Variants in NFIL3 observed in about 807,000 individuals in gnomAD.
NFIL3 encodes the protein nuclear factor interleukin-3-regulated protein.
A neutral mutation model predicts 10.0 loss-of-function variants in NFIL3; 5 were observed. The ratio of observed to expected loss-of-function variants is 0.50; its 90% CI spans 0.26 to 1.06. The LOEUF is 1.06. NFIL3 is among the 50% of genes least tolerant of loss of function. The pLI, the probability that NFIL3 is intolerant of heterozygous loss-of-function variation, is 0.13. For missense variants in NFIL3, 436 were observed against 547.6 expected (o/e 0.80, Z 2.03); for synonymous variants, 202 against 206.5 (o/e 0.98, Z 0.19).
the NFIL3 span, among the ~76,000 whole-genome samples, chr9:91,436,765 C>T: frequency 6.6e-6 from 1 of 152,120 alleles, no homozygotes; most frequent in Admixed American, 6.5e-5. Context: ...GGCTCTATAA[C>T]CCAAAATAGG....
chr9:91,410,256 C>T lies in NFIL3; in HGVS notation c.479G>A (p.Ser160Asn), dbSNP rs923229927. 1 of 1,614,064 alleles carries T rather than the reference C, an allele frequency of 6.2e-7. No homozygotes were observed. The change falls in exon 2 of 2, where the codon AGT (serine) becomes AAT (asparagine). Residue 160 changes from serine to asparagine, a missense_variant. Ser to Asn is a conservative substitution (Grantham distance 46). Coordinates refer to ENST00000297689, the MANE Select transcript of NFIL3 (RefSeq NM_005384.3). The surrounding 1 kb of genome is among the most constrained non-coding windows in gnomAD (Gnocchi z 5.7). ...QDYQTSKSNV[S>N]SFVDEHEPSM... ...GGGTTCGTGCTCGTCCACAAATGAA[C>T]TCACATTGGATTTGGAAGTCTGGTA...
At chr9:91,479,884 C>T in the NFIL3 span, among the ~76,000 whole-genome samples, 4 of 152,146 alleles carry the variant, frequency 2.6e-5, no homozygotes, top group African/African-American at 2.4e-5. Context: ...CAGTCCCTCA[C>T]GGCTTCCCTT....
the NFIL3 span, among the ~76,000 whole-genome samples, chr9:91,436,424 A>G: frequency 6.0e-5 from 9 of 150,748 alleles, no homozygotes; most frequent in African/African-American, 2.0e-4. Flanking sequence ...TAAAAATACA[A>G]AAAATTAGCC....
chr9:91,458,606 T>G, the NFIL3 span, among the ~76,000 whole-genome samples: 1 of 152,146 alleles, frequency 6.6e-6, no homozygotes, highest in African/African-American at 2.4e-5. Flanking sequence ...TTTTATTGAT[T>G]CTATTTTTTC....
At chr9:91,455,873 A>C in the NFIL3 span, among the ~76,000 whole-genome samples, 3 of 152,174 alleles carry the variant, frequency 2.0e-5, no homozygotes, top group Non-Finnish European at 4.4e-5. Context: ...TAAAAATTGC[A>C]ACCTCCAGCA....
Position 91,409,438 on chromosome 9 carries a change from A to G in NFIL3, c.1297T>C (p.Leu433=). 1 of 1,614,128 alleles carries G rather than the reference A, an allele frequency of 6.2e-7. No individual in the cohort carries two copies. The highest frequency in any genetic ancestry group is 1.1e-5 in the South Asian group (1 of 91,058). ...YKVSDPENLY[L]KQGIANLSAE... ...GATAAGTTTGCTATCCCCTGCTTCA[A>G]ATACAAGTTCTCTGGGTCAGAAACT... Residue 433 remains leucine (L), a synonymous_variant, in exon 2 of 2, where the codon TTG becomes CTG. Transcript: ENST00000297689.
the NFIL3 span, among the ~76,000 whole-genome samples, chr9:91,457,873 GA>G: frequency 2.3e-3 from 350 of 152,116 alleles, 2 homozygotes; most frequent in African/African-American, 7.9e-3. Context: ...ATTTTAAGAT[GA>G]AAAATGTAAA....
At chr9:91,440,866 A>G in the NFIL3 span, among the ~76,000 whole-genome samples, 4 of 152,132 alleles carry the variant, frequency 2.6e-5, no homozygotes, top group African/African-American at 7.2e-5. Flanking sequence ...GTCTGAAACA[A>G]TCTTCGATAT....
intron 1 of NFIL3, among the ~76,000 whole-genome samples, chr9:91,411,609 C>T (rs1833549729): frequency 6.6e-6 from 1 of 152,178 alleles, no homozygotes; most frequent in South Asian, 2.1e-4. Context: ...CTCACTGCAA[C>T]TAAATGAAAA....
the NFIL3 span, among the ~76,000 whole-genome samples, chr9:91,434,363 A>C: frequency 6.6e-6 from 1 of 152,206 alleles, no homozygotes; most frequent in Non-Finnish European, 1.5e-5. Flanking sequence ...GGGAGTAGAA[A>C]AAAATGGATG....
chr9:91,432,445 A>G, the NFIL3 span, among the ~76,000 whole-genome samples: 1 of 152,170 alleles, frequency 6.6e-6, no homozygotes, highest in East Asian at 1.9e-4. Flanking sequence ...TTTCTGGGAA[A>G]CTCAGGCCCA....
rs772145088 is a variant in NFIL3, at chr9:91,410,012, C to T, written c.723G>A (p.Ala241=). 1.9e-5 allele frequency: 31 copies of T among 1,612,696 alleles called. No individual in the cohort carries two copies. The highest frequency in any genetic ancestry group is 1.6e-4 in the Middle Eastern group (1 of 6,080). ...EPRDDRGSYT[A]SIYQNYMGNS... is the part of the protein sequence containing the mutation. Reference sequence around the variant, plus strand: ...TCCCCATATAGTTTTGATAGATGGACGCTGTGTAAGAGCCTCGGTCATCTC... The same window carrying T: ...TCCCCATATAGTTTTGATAGATGGATGCTGTGTAAGAGCCTCGGTCATCTC... The change falls in exon 2 of 2, where the codon GCG becomes GCA. Residue 241 remains alanine, a synonymous_variant. Coordinates refer to ENST00000297689, the MANE Select transcript of NFIL3 (RefSeq NM_005384.3). The surrounding 1 kb of genome is among the most constrained non-coding windows in gnomAD (Gnocchi z 5.7).
intron 1 of NFIL3, among the ~76,000 whole-genome samples, chr9:91,420,651 G>C (rs960827254): frequency 5.3e-5 from 8 of 152,186 alleles, no homozygotes; most frequent in Middle Eastern, 6.8e-3. Flanking sequence ...AGCGGTGTAG[G>C]GTATGATGCC....
intron 1 of NFIL3, among the ~76,000 whole-genome samples, chr9:91,416,846 A>G (rs1833667199): frequency 6.6e-6 from 1 of 152,234 alleles, no homozygotes; most frequent in African/African-American, 2.4e-5. Flanking sequence ...TTAATTAAGT[A>G]CAAGATTTGA....
At chr9:91,412,917 G>A (rs1833582354) in intron 1 of NFIL3, among the ~76,000 whole-genome samples, 4 of 151,130 alleles carry the variant, frequency 2.6e-5, no homozygotes, top group African/African-American at 9.7e-5. Flanking sequence ...CTTACGCCTA[G>A]TTTCATAATG....
At chr9:91,444,385 T>C in the NFIL3 span, among the ~76,000 whole-genome samples, 5 of 152,258 alleles carry the variant, frequency 3.3e-5, no homozygotes, top group East Asian at 9.6e-4. Flanking sequence ...TTCCTGGATT[T>C]CCTTTAAATC....
upstream of NFIL3, among the ~76,000 whole-genome samples, chr9:91,428,017 G>T (rs1833888686): frequency 1.3e-5 from 2 of 152,084 alleles, no homozygotes; most frequent in South Asian, 4.1e-4. Context: ...TCCTCCCCAC[G>T]CCCATCAGTG....
At chr9:91,429,343 C>T in the NFIL3 span, among the ~76,000 whole-genome samples, 2 of 152,154 alleles carry the variant, frequency 1.3e-5, no homozygotes, top group East Asian at 1.9e-4. Context: ...TGGTTGGCCA[C>T]GTTCCTTCTC....
At chr9:91,424,885 C>T (rs1833852611), upstream of NFIL3, among the ~76,000 whole-genome samples, 1 of 152,204 alleles carries the variant, frequency 6.6e-6, no homozygotes, top group South Asian at 2.1e-4. Context: ...CGGTAGTCTT[C>T]TCTCCCAAAT....
Sources: gnomAD v4.1 joint callset for allele counts (sites outside exome capture counted in the v4.1 genomes callset) on GRCh38, gnomAD v4.1.1 for gene constraint, Gnocchi (gnomAD v3.1) non-coding constraint, MANE v1.5 for transcripts, NCBI Gene and HGNC (gene_info 2026-07-23, HGNC 2026-07-21) for gene names.